Variants in EBF3 observed in about 807,000 individuals in gnomAD.
EBF3 encodes the protein EBF transcription factor 3.
In EBF3, 18 loss-of-function variants were observed where a neutral mutation model predicts 77.1. The ratio of observed to expected loss-of-function variants is 0.23; its 90% CI spans 0.16 to 0.35. EBF3 has a LOEUF of 0.35. Ranked by LOEUF, EBF3 falls within the 10% of genes least tolerant of loss-of-function variation. EBF3 has a pLI of 1.00. For synonymous variants in EBF3, 350 were observed against 343.5 expected, an observed-to-expected ratio of 1.02 and a Z score of -0.21; for missense variants, 558 against 860.0, an observed-to-expected ratio of 0.65 and a Z score of 4.39.
At chr10:129,899,548 A>C (rs1854637319) in intron 6 of EBF3, among the ~76,000 whole-genome samples, 1 of 152,204 alleles carries the variant, frequency 6.6e-6, no homozygotes, top group African/African-American at 2.4e-5. Context: ...TTGCTGTGCG[A>C]GGGAAGCCCA....
chr10:129,959,288 G>A (rs1399369687), intron 4 of EBF3, among the ~76,000 whole-genome samples: 2 of 152,060 alleles, frequency 1.3e-5, no homozygotes, highest in Admixed American at 6.5e-5. Context: ...GGCTCGGGCC[G>A]CGGGGAGGGC....
intron 10 of EBF3, among the ~76,000 whole-genome samples, chr10:129,865,499 G>A (rs557577148): frequency 5.9e-4 from 90 of 152,270 alleles, no homozygotes; most frequent in Middle Eastern, 3.4e-3. Context: ...GCTCCTGAGC[G>A]CCTGGTCCTG....
intron 6 of EBF3, among the ~76,000 whole-genome samples, chr10:129,914,165 G>A (rs545355455): frequency 1.3e-4 from 20 of 152,340 alleles, no homozygotes; most frequent in African/African-American, 4.3e-4. Flanking sequence ...GGGACATGAC[G>A]GGCAGAGGGG....
intron 6 of EBF3, among the ~76,000 whole-genome samples, chr10:129,934,409 T>C (rs1857222625): frequency 6.6e-6 from 1 of 152,138 alleles, no homozygotes; most frequent in Non-Finnish European, 1.5e-5. Flanking sequence ...CCCTTGCACA[T>C]AGTAGGTGCC....
chr10:129,960,154 G>A (rs1169077894), intron 4 of EBF3, among the ~76,000 whole-genome samples: 1 of 151,816 alleles, frequency 6.6e-6, no homozygotes, highest in Non-Finnish European at 1.5e-5. Flanking sequence ...CGGGAGGCTG[G>A]GGCCGGGAGC....
chr10:129,918,706 C>T (rs921516009), intron 6 of EBF3, among the ~76,000 whole-genome samples: 3 of 152,204 alleles, frequency 2.0e-5, no homozygotes, highest in South Asian at 2.1e-4. Context: ...AGCCCAGATG[C>T]GCCTACACAT....
chr10:129,892,947 C>T (rs1854126062), intron 6 of EBF3, among the ~76,000 whole-genome samples: 1 of 152,254 alleles, frequency 6.6e-6, no homozygotes, highest in Non-Finnish European at 1.5e-5. Context: ...GCATACTTCC[C>T]ATGCTCGTCA....
At chr10:129,854,807 C>T (rs970254209) in intron 10 of EBF3, among the ~76,000 whole-genome samples, 1 of 152,252 alleles carries the variant, frequency 6.6e-6, no homozygotes, top group Non-Finnish European at 1.5e-5. Flanking sequence ...AATCACAGCA[C>T]TCGGCAGGGT....
rs1248778080 is a variant in EBF3, at chr10:129,963,094, G to A, written c.292-89C>T. On this transcript the variant is annotated intron_variant, in intron 2 of 16. Transcript: ENST00000440978. The surrounding 1 kb of genome is among the most constrained non-coding windows in gnomAD (Gnocchi z 7.1). ...GTCCCCCTCCGCGACCGAGGCTCTC[G>A]GCCTCACACATGGCAGGATTCCTAG... is the stretch of plus-strand genomic sequence containing the variant. 6.7e-7 allele frequency: 1 copy of A among 1,497,388 alleles called. No homozygotes were observed. The highest frequency in any genetic ancestry group is 9.3e-7 in the Non-Finnish European group (1 of 1,074,912). The allele number at this position is 1,497,388 out of a possible 1,614,324, so 92.8% of individuals were successfully genotyped here. A position where few individuals can be genotyped will look rare whatever the true frequency, so the allele number is the denominator to read the frequency against.
chr10:129,912,534 T>C (rs1296029399), intron 6 of EBF3, among the ~76,000 whole-genome samples: 1 of 152,192 alleles, frequency 6.6e-6, no homozygotes, highest in Non-Finnish European at 1.5e-5. Context: ...TTTAAAAAAA[T>C]ACCTGGCCCA....
At chr10:129,856,431 C>G (rs987402632) in intron 10 of EBF3, among the ~76,000 whole-genome samples, 1 of 152,116 alleles carries the variant, frequency 6.6e-6, no homozygotes, top group African/African-American at 2.4e-5. Context: ...CCTGTTACAA[C>G]AGGGATGAGC....
intron 6 of EBF3, among the ~76,000 whole-genome samples, chr10:129,902,754 G>A (rs983260226): frequency 4.6e-5 from 7 of 152,236 alleles, no homozygotes; most frequent in South Asian, 2.1e-4. Flanking sequence ...CCCGAGACCC[G>A]GGGTCAGTAA....
chr10:129,927,358 A>T (rs1856742878), intron 6 of EBF3, among the ~76,000 whole-genome samples: 1 of 152,224 alleles, frequency 6.6e-6, no homozygotes, highest in African/African-American at 2.4e-5. Context: ...TTAATTTCCC[A>T]TAAATACCCT....
At chr10:129,876,885 A>AACCCCCCC (rs1852809898) in intron 7 of EBF3, among the ~76,000 whole-genome samples, 1 of 42,368 alleles carries the variant, frequency 2.4e-5, no homozygotes, top group Non-Finnish European at 4.4e-5. Context: ...TCATCCCTGA[A>AACCCCCCC]CCCCCCCCCC....
intron 4 of EBF3, 63 bp downstream of exon 4, chr10:129,962,108 C>T: frequency 6.4e-7 from 1 of 1,559,902 alleles, no homozygotes; most frequent in Non-Finnish European, 8.8e-7. Context: ...GCCCTTGCCT[C>T]TGAAGCCCAG....
intron 10 of EBF3, among the ~76,000 whole-genome samples, chr10:129,857,751 C>T (rs959638386): frequency 2.6e-5 from 4 of 152,128 alleles, no homozygotes; most frequent in South Asian, 2.1e-4. Context: ...GACCCACTGC[C>T]GGGTGGGCAG....
intron 6 of EBF3, among the ~76,000 whole-genome samples, chr10:129,950,741 A>C (rs776271917): frequency 2.0e-5 from 3 of 152,212 alleles, no homozygotes; most frequent in Non-Finnish European, 4.4e-5. Flanking sequence ...ATAATGTCTC[A>C]TTATATAGAG....
At chr10:129,911,864 T>C (rs1311869956) in intron 6 of EBF3, among the ~76,000 whole-genome samples, 1 of 152,070 alleles carries the variant, frequency 6.6e-6, no homozygotes, top group Admixed American at 6.5e-5. Flanking sequence ...GAAGGGAGCT[T>C]TGCCAACAAA....
intron 6 of EBF3, among the ~76,000 whole-genome samples, chr10:129,891,830 G>A (rs1854039533): frequency 1.3e-5 from 2 of 152,228 alleles, no homozygotes; most frequent in Non-Finnish European, 2.9e-5. Flanking sequence ...GCGTCTCTGA[G>A]GCCCTGGTAA....
Sources: gnomAD v4.1 joint callset for allele counts (sites outside exome capture counted in the v4.1 genomes callset) on GRCh38, gnomAD v4.1.1 for gene constraint, Gnocchi (gnomAD v3.1) non-coding constraint, MANE v1.5 for transcripts, NCBI Gene and HGNC (gene_info 2026-07-23, HGNC 2026-07-21) for gene names.